Variants in SGCD observed in about 807,000 individuals in gnomAD.
SGCD encodes sarcoglycan delta.
In SGCD, 18 loss-of-function variants were observed where a neutral mutation model predicts 36.6. The observed-to-expected ratio is 0.49, with a 90% CI of 0.34 to 0.73. The LOEUF is 0.73. SGCD is among the 30% of genes least tolerant of loss of function. The probability of loss-of-function intolerance (pLI) is 0.01; values close to 1 mark genes in which losing one functional copy is unlikely to be tolerated. For synonymous variants in SGCD, 133 were observed against 130.6 expected (o/e 1.02, Z -0.12); for missense variants, 387 against 346.7 (o/e 1.12, Z -0.92).
intron 3 of SGCD, among the ~76,000 whole-genome samples, chr5:156,266,759 T>C (rs1049571500): frequency 2.4e-4 from 36 of 149,004 alleles, no homozygotes; most frequent in African/African-American, 8.4e-4. Flanking sequence ...AATACAGCTG[T>C]GACCCACTGG....
chr5:156,402,087 T>C lies in SGCD; in HGVS notation c.192+57410T>C, dbSNP rs116602894. ...ATGAAGGTTTATCCGTGTTGTAGTA[T>C]GTATCAAAATTTCACTCCTTTCATA... On this transcript the variant is annotated intron_variant, in intron 3 of 8. Transcript: ENST00000337851. Among the ~76,000 whole-genome samples the C allele has an allele frequency of 9.4e-3, 1,427 of 152,364 alleles. 27 individuals are homozygous for C. The highest frequency in any genetic ancestry group is 0.032 in the African/African-American group (1,348 of 41,586).
chr5:156,091,446 G>A (rs961378054), intron 1 of SGCD, among the ~76,000 whole-genome samples: 2 of 152,172 alleles, frequency 1.3e-5, no homozygotes, highest in Non-Finnish European at 2.9e-5. Flanking sequence ...CCTCTGTGCA[G>A]CAGTACTGTC....
At chr5:156,251,344 G>C (rs901374648) in intron 3 of SGCD, among the ~76,000 whole-genome samples, 3 of 152,062 alleles carry the variant, frequency 2.0e-5, no homozygotes, top group African/African-American at 7.2e-5. Flanking sequence ...AAAACCCTCT[G>C]ATCTTTTGCC....
intron 3 of SGCD, among the ~76,000 whole-genome samples, chr5:156,368,300 C>T (rs1770212482): frequency 6.6e-6 from 1 of 152,064 alleles, no homozygotes; most frequent in Admixed American, 6.6e-5. Context: ...ACCATCTTGG[C>T]CAGGCTGATC....
chr5:156,273,711 A>T (rs73302659), intron 3 of SGCD, among the ~76,000 whole-genome samples: 8,787 of 152,268 alleles, frequency 0.058, 298 homozygotes, highest in Non-Finnish European at 0.075. Flanking sequence ...AGAATTTTTA[A>T]AAGTGGGAGG....
intron 1 of SGCD, among the ~76,000 whole-genome samples, chr5:155,940,845 A>AAAAC (rs946186541): frequency 7.0e-6 from 1 of 143,784 alleles, no homozygotes. Flanking sequence ...AATCCGTCTC[A>AAAAC]AAACAAACAA....
intron 7 of SGCD, among the ~76,000 whole-genome samples, chr5:156,655,112 G>C (rs1344334312): frequency 2.0e-5 from 3 of 151,860 alleles, no homozygotes; most frequent in African/African-American, 7.3e-5. Flanking sequence ...GGTCTTACTT[G>C]TCAATAATGG....
At chr5:156,195,300 G>T (rs1254840017) in intron 3 of SGCD, among the ~76,000 whole-genome samples, 1 of 152,060 alleles carries the variant, frequency 6.6e-6, no homozygotes, top group Non-Finnish European at 1.5e-5. Context: ...TGTTTAGCTG[G>T]GTAAACGTGG....
chr5:156,512,819 T>TA (rs965214247), intron 4 of SGCD, among the ~76,000 whole-genome samples: 1 of 152,194 alleles, frequency 6.6e-6, no homozygotes, highest in African/African-American at 2.4e-5. Flanking sequence ...GAACTTTATA[T>TA]AAATGGAATC....
At position 156,106,554 on chromosome 5, in the gene SGCD, G is replaced by A. The variant is rs892783524; in HGVS notation, c.-281-11324G>A. Among the ~76,000 whole-genome samples, 5 of 152,078 alleles carry A rather than the reference G, an allele frequency of 3.3e-5. 1 individual carries two copies. The highest frequency in any genetic ancestry group is 2.6e-4 in the Admixed American group (4 of 15,264). ...TCCAACTTGAATGAGTAGAAAATGG[G>A]GTCTGCTATGTGAAGATAATTAAAC... On this transcript the variant is annotated intron_variant, in intron 1 of 9. Transcript: ENST00000517913.
chr5:155,986,932 C>A (rs1274601798), intron 1 of SGCD, among the ~76,000 whole-genome samples: 1 of 152,128 alleles, frequency 6.6e-6, no homozygotes, highest in Non-Finnish European at 1.5e-5. Context: ...AGCCATGTTT[C>A]CTGACTGCAA....
Position 156,589,283 on chromosome 5 carries a change from A to G in SGCD, c.347A>G (p.Asn116Ser), listed in dbSNP as rs1460786886. 3.2e-6 allele frequency: 5 copies of G among 1,575,430 alleles called. No homozygotes were observed. The highest frequency in any genetic ancestry group is 4.3e-6 in the Non-Finnish European group (5 of 1,158,766). The change falls in exon 5 of 9, where the codon AAT becomes AGT. Residue 116 changes from asparagine (N) to serine (S), a missense_variant. By Grantham distance (46) the Asn-to-Ser change is conservative (BLOSUM62 1). Transcript: ENST00000337851. The stretch of plus-strand genomic sequence containing the variant: ...AGAAATGTTACAGTGAACATTCTCA[A>G]TGACCAGACTAAAGTGCTAACTCAG... ...SARNVTVNIL[N>S]DQTKVLTQLI...
At chr5:156,539,851 G>A (rs970984823) in intron 4 of SGCD, among the ~76,000 whole-genome samples, 1 of 152,088 alleles carries the variant, frequency 6.6e-6, no homozygotes, top group Non-Finnish European at 1.5e-5. Flanking sequence ...AATGGCAACA[G>A]GATATGTTGG....
At chr5:156,171,807 T>C (rs555200245) in intron 3 of SGCD, among the ~76,000 whole-genome samples, 83 of 152,208 alleles carry the variant, frequency 5.5e-4, no homozygotes, top group African/African-American at 1.9e-3. Context: ...CCAACTCTAG[T>C]GGCAATGTCC....
At chr5:156,170,159 C>A (rs866715542) in intron 3 of SGCD, among the ~76,000 whole-genome samples, 34 of 152,182 alleles carry the variant, frequency 2.2e-4, no homozygotes, top group Middle Eastern at 3.4e-3. Context: ...TGCAAGACAC[C>A]ATTAATAAGA....
intron 7 of SGCD, among the ~76,000 whole-genome samples, chr5:156,677,650 C>A (rs952300659): frequency 1.3e-5 from 2 of 151,882 alleles, no homozygotes; most frequent in Non-Finnish European, 2.9e-5. Flanking sequence ...AACAAACCTG[C>A]ACATTGTGCA....
At chr5:156,668,166 T>C (rs1479316277) in intron 7 of SGCD, among the ~76,000 whole-genome samples, 1 of 152,064 alleles carries the variant, frequency 6.6e-6, no homozygotes, top group Non-Finnish European at 1.5e-5. Context: ...AACAGGAGGG[T>C]CCAAGAGCCA....
chr5:156,406,956 C>A (rs1772465049), intron 3 of SGCD, among the ~76,000 whole-genome samples: 1 of 151,646 alleles, frequency 6.6e-6, no homozygotes, highest in Non-Finnish European at 1.5e-5. Context: ...AGTCTCAAAA[C>A]TGAAGAACTT....
intron 7 of SGCD, among the ~76,000 whole-genome samples, chr5:156,652,208 T>C (rs939591863): frequency 1.3e-5 from 2 of 152,012 alleles, no homozygotes; most frequent in Admixed American, 6.6e-5. Context: ...GGACTGGGTG[T>C]GGTGGCTTAC....
Sources: gnomAD v4.1 joint callset for allele counts (sites outside exome capture counted in the v4.1 genomes callset) on GRCh38, gnomAD v4.1.1 for gene constraint, MANE v1.5 for transcripts, NCBI Gene and HGNC (gene_info 2026-07-23, HGNC 2026-07-21) for gene names.